Variants in LRRC36 observed in about 807,000 individuals in gnomAD.
The protein encoded by LRRC36 is leucine-rich repeat-containing protein 36.
In LRRC36, 62 loss-of-function variants were observed where a neutral mutation model predicts 81.1. That is an observed-to-expected ratio of 0.76 (90% confidence interval 0.62 to 0.94). The LOEUF is 0.94. Among genes scored for constraint, LRRC36 ranks in the 40% least tolerant of loss-of-function variants. The pLI, the probability that LRRC36 is intolerant of heterozygous loss-of-function variation, is 0.00. For missense variants in LRRC36, 761 were observed against 881.7 expected, an observed-to-expected ratio of 0.86 and a Z score of 1.73; for synonymous variants, 334 against 348.6, an observed-to-expected ratio of 0.96 and a Z score of 0.47.
intron 8 of LRRC36, among the ~76,000 whole-genome samples, chr16:67,368,551 G>A (rs1220684530): frequency 6.6e-6 from 1 of 152,220 alleles, no homozygotes; most frequent in Non-Finnish European, 1.5e-5. Flanking sequence ...AGGGAGGCCA[G>A]TGCGGCCTCA....
chr16:67,376,610 G>A (rs2039904650), intron 10 of LRRC36, 117 bp from the exon 11 acceptor site: 2 of 1,056,048 alleles, frequency 1.9e-6, no homozygotes, highest in African/African-American at 3.1e-5. Context: ...CTAAGTTCTG[G>A]TAAAAAGGAG....
intron 5 of LRRC36, chr16:67,362,212 G>C (rs777383599): frequency 2.2e-6 from 1 of 452,432 alleles, no homozygotes; most frequent in South Asian, 1.6e-5. Context: ...GCCCAGACTG[G>C]AGTGCTGTGG....
intron 1 of LRRC36, among the ~76,000 whole-genome samples, chr16:67,329,279 A>C (rs1251492457): frequency 6.6e-6 from 1 of 151,552 alleles, no homozygotes; most frequent in East Asian, 2.0e-4. Flanking sequence ...ATTTAACAGT[A>C]ATTTCTTTTT....
rs553919268 is a variant in LRRC36 at position 67,343,861 on chromosome 16, G to A, written c.198+1777G>A. 3.3e-5 allele frequency among the ~76,000 whole-genome samples: 5 copies of A among 152,034 alleles called. No homozygotes were observed. In the South Asian group the frequency reaches 1.0e-3, roughly 32 times the overall value. On this transcript the variant is annotated intron_variant, in intron 2 of 13. Transcript: ENST00000329956. ...AGACAGAGTCTCACTCTGTCGTCCA[G>A]GTTGGAGTGCAGTAGTGTGATCTTG...
Position 67,367,155 on chromosome 16 carries a change from C to A in LRRC36, c.893C>A (p.Thr298Asn). 1 of 1,614,174 alleles carries A rather than the reference C, an allele frequency of 6.2e-7. No individual in the cohort carries two copies. The highest frequency in any genetic ancestry group is 8.5e-7 in the Non-Finnish European group (1 of 1,180,032). Residue 298 changes from threonine to asparagine, a missense_variant, in exon 8 of 14, where the codon ACT becomes AAT. By Grantham distance (65) the Thr-to-Asn change is moderately conservative. Around this residue, in one of 3 missense-constraint regions of LRRC36, gnomAD observed 139 missense variants for 214.0 expected, o/e 0.65. Transcript: ENST00000329956. The part of the protein sequence containing the change: ...PEKELIPKPD[T>N]FHLTHDASLS... ...AAGGAATTGATACCAAAACCTGATA[C>A]TTTTCATCTTACCCATGATGCCTCA...
chr16:67,381,694 T>TAC (rs2040117694), intron 12 of LRRC36, among the ~76,000 whole-genome samples: 1 of 152,154 alleles, frequency 6.6e-6, no homozygotes, highest in South Asian at 2.1e-4. Context: ...TGCTCACTGC[T>TAC]ACCTCCATCC....
intron 1 of LRRC36, among the ~76,000 whole-genome samples, chr16:67,341,062 C>CTATA (rs2038041632): frequency 8.7e-6 from 1 of 114,974 alleles, no homozygotes; most frequent in African/African-American, 3.6e-5. Flanking sequence ...TCTACATATT[C>CTATA]TATAGAATAT....
intron 2 of LRRC36, among the ~76,000 whole-genome samples, chr16:67,342,434 GGGTA>G (rs2038134252): frequency 6.6e-6 from 1 of 152,112 alleles, no homozygotes. Context: ...AGTAGGTCTA[GGGTA>G]GGCTCAGGAC....
chr16:67,373,008 A>G (rs1388844648), intron 9 of LRRC36, among the ~76,000 whole-genome samples: 2 of 152,200 alleles, frequency 1.3e-5, no homozygotes, highest in African/African-American at 4.8e-5. Context: ...TTGGGATGTT[A>G]TATTAATCAG....
chr16:67,378,364 C>T (rs1184553053), intron 11 of LRRC36, among the ~76,000 whole-genome samples: 3 of 151,216 alleles, frequency 2.0e-5, no homozygotes, highest in African/African-American at 2.4e-5. Flanking sequence ...CTCAGCCTCC[C>T]GAGTAGCTGG....
chr16:67,335,809 G>A (rs1022321648), intron 1 of LRRC36, among the ~76,000 whole-genome samples: 9 of 151,384 alleles, frequency 5.9e-5, no homozygotes, highest in East Asian at 5.8e-4. Flanking sequence ...CTTGGCTCAC[G>A]GCAGCCTCCA....
At chr16:67,376,146 A>G (rs981881175) in intron 10 of LRRC36, among the ~76,000 whole-genome samples, 1 of 152,128 alleles carries the variant, frequency 6.6e-6, no homozygotes, top group African/African-American at 2.4e-5. Context: ...TGTCCCTACT[A>G]AAAATACACA....
chr16:67,383,045 C>T (rs908828524), intron 13 of LRRC36, among the ~76,000 whole-genome samples: 1 of 145,858 alleles, frequency 6.9e-6, no homozygotes, highest in Non-Finnish European at 1.5e-5. Context: ...TGCTCTCCAG[C>T]CTGTCAACAG....
intron 5 of LRRC36, among the ~76,000 whole-genome samples, chr16:67,351,275 A>G (rs1237763260): frequency 2.0e-5 from 3 of 152,224 alleles, no homozygotes; most frequent in African/African-American, 7.2e-5. Flanking sequence ...ATCAATTCCT[A>G]AAAGCCAAGC....
At chr16:67,337,109 G>A (rs1269755170) in intron 1 of LRRC36, among the ~76,000 whole-genome samples, 5 of 152,020 alleles carry the variant, frequency 3.3e-5, no homozygotes, top group Admixed American at 2.0e-4. Flanking sequence ...CCTTCTTGTG[G>A]ATATACCACA....
chr16:67,372,886 T>G (rs2039710761), intron 9 of LRRC36, among the ~76,000 whole-genome samples: 2 of 152,192 alleles, frequency 1.3e-5, no homozygotes, highest in Admixed American at 1.3e-4. Context: ...AATGTTTTAT[T>G]TAGTTTTTTG....
At chr16:67,331,114 A>AGAGAGAGAGAGAGG (rs2037471135) in intron 1 of LRRC36, among the ~76,000 whole-genome samples, 1 of 140,322 alleles carries the variant, frequency 7.1e-6, no homozygotes, top group African/African-American at 2.6e-5. Flanking sequence ...AGAGAGAGAG[A>AGAGAGAGAGAGAGG]AGACTGAACT....
chr16:67,380,694 G>A (rs1363324258), intron 12 of LRRC36, among the ~76,000 whole-genome samples: 1 of 152,136 alleles, frequency 6.6e-6, no homozygotes, highest in Non-Finnish European at 1.5e-5. Context: ...ATTAAAAGTA[G>A]GTATTTGTCC....
rs1443180030 is a variant in LRRC36 at position 67,365,177 on chromosome 16, C to T, written c.703-127C>T. 4.8e-6 allele frequency: 3 copies of T among 619,046 alleles called. No individual in the cohort carries two copies. In the African/African-American group the frequency reaches 5.6e-5, roughly 11 times the overall value. 38.3% of individuals were successfully genotyped at this position (619,046 alleles called of 1,614,324 possible). On this transcript the variant is annotated intron_variant, in intron 6 of 13. Coordinates refer to ENST00000329956, the MANE Select transcript of LRRC36 (RefSeq NM_018296.6). ...TTAAACTGGACCTTTGCTTAAAGGT[C>T]TGTTTCCCTAGCTTGCAAGGATAGT...
Sources: allele counts gnomAD v4.1 joint callset (sites outside exome capture counted in the v4.1 genomes callset), GRCh38; gene constraint gnomAD v4.1.1; regional missense constraint gnomAD v4.1.1; transcripts MANE v1.5; gene names NCBI Gene and HGNC (gene_info 2026-07-23, HGNC 2026-07-21).